The following SHROOM3 variants were observed in gnomAD, a reference collection of about 807,000 sequenced individuals.
SHROOM3 encodes the protein protein Shroom3.
A neutral mutation model predicts 138.6 loss-of-function variants in SHROOM3; 47 were observed. The observed-to-expected ratio is 0.34, with a 90% CI of 0.27 to 0.43. SHROOM3 has a LOEUF of 0.43. SHROOM3 is among the 20% of genes least tolerant of loss of function. SHROOM3 has a pLI of 1.00. For synonymous variants in SHROOM3, 1,062 were observed against 1,063.3 expected (o/e 1.00, Z 0.02); for missense variants, 2,491 against 2,596.5 (o/e 0.96, Z 0.88).
intron 2 of SHROOM3, among the ~76,000 whole-genome samples, chr4:76,635,707 C>A (rs1246872333): frequency 2.0e-5 from 3 of 152,130 alleles, no homozygotes; most frequent in Admixed American, 6.6e-5. Context: ...ATTTTCTGTC[C>A]ACACACTCAT....
intron 2 of SHROOM3, among the ~76,000 whole-genome samples, chr4:76,605,910 A>C (rs982182456): frequency 7.1e-6 from 1 of 140,120 alleles, no homozygotes; most frequent in Non-Finnish European, 1.5e-5. Context: ...TAAAGGCACA[A>C]TTTTCTCTCT....
At chr4:76,574,462 G>A (rs1733897446) in intron 2 of SHROOM3, among the ~76,000 whole-genome samples, 1 of 152,054 alleles carries the variant, frequency 6.6e-6, no homozygotes, top group African/African-American at 2.4e-5. Context: ...GCACCCTAAA[G>A]AACCATGGCA....
intron 1 of SHROOM3, among the ~76,000 whole-genome samples, chr4:76,456,264 C>T (rs542931275): frequency 3.3e-4 from 50 of 152,306 alleles, no homozygotes; most frequent in African/African-American, 1.1e-3. Flanking sequence ...CTCGGCCTCC[C>T]AAAGTGTTAG....
At chr4:76,579,634 G>A (rs1489222921) in intron 2 of SHROOM3, among the ~76,000 whole-genome samples, 2 of 152,224 alleles carry the variant, frequency 1.3e-5, no homozygotes, top group East Asian at 1.9e-4. Context: ...ATGCTTCCAC[G>A]TCTAATGAAG....
At chr4:76,473,973 A>T (rs1300999480) in intron 1 of SHROOM3, among the ~76,000 whole-genome samples, 1 of 152,216 alleles carries the variant, frequency 6.6e-6, no homozygotes, top group Non-Finnish European at 1.5e-5. Flanking sequence ...ATCCAGGAAA[A>T]ATTAAAACAT....
At chr4:76,689,708 T>C in intron 2 of SHROOM3, 1 of 984,780 alleles carries the variant, frequency 1.0e-6, no homozygotes, top group South Asian at 4.7e-5. Flanking sequence ...CGATGGTGAG[T>C]GAGGAGGGCG....
intron 2 of SHROOM3, chr4:76,645,153 A>G (rs1415381174): frequency 6.6e-6 from 1 of 152,148 alleles, no homozygotes; most frequent in Non-Finnish European, 1.5e-5. Flanking sequence ...ATTAATATGA[A>G]GTGGCTTCCA....
chr4:76,544,608 T>G (rs4544731), intron 1 of SHROOM3, among the ~76,000 whole-genome samples: 43,561 of 151,672 alleles, frequency 0.29, 6,616 homozygotes, highest in Middle Eastern at 0.36. Flanking sequence ...TGTTGGCCAG[T>G]CTGGTGTTGA....
At chr4:76,655,432 G>A (rs72661490) in intron 2 of SHROOM3, among the ~76,000 whole-genome samples, 1 of 152,092 alleles carries the variant, frequency 6.6e-6, no homozygotes, top group South Asian at 2.1e-4. Context: ...CAGTCCTATT[G>A]TCATTTCTAT....
chr4:76,618,443 T>C lies in SHROOM3; in HGVS notation c.323+62680T>C, dbSNP rs180919812. 3.9e-5 allele frequency among the ~76,000 whole-genome samples: 6 copies of C among 152,356 alleles called. 1 individual carries two copies. The East Asian group carries it at 1.2e-3, about 29-fold the overall frequency. ...GATGGGCTACCCTGCTTACCAATAA[T>C]ACAGATTGAGGACTTAATTTTTTAA... On this transcript the variant is annotated intron_variant, in intron 2 of 10. Transcript: ENST00000296043.
chr4:76,525,799 C>T (rs1732676895), intron 1 of SHROOM3, among the ~76,000 whole-genome samples: 1 of 152,134 alleles, frequency 6.6e-6, no homozygotes, highest in Non-Finnish European at 1.5e-5. Flanking sequence ...CCATCATTGC[C>T]TCAGCATGGA....
chr4:76,764,739 G>C (rs1205523170), intron 9 of SHROOM3, among the ~76,000 whole-genome samples: 2 of 152,078 alleles, frequency 1.3e-5, no homozygotes, highest in Non-Finnish European at 2.9e-5. Flanking sequence ...GGCTCCTCCT[G>C]TATGCAATGT....
chr4:76,713,086 G>T (rs939078423), intron 3 of SHROOM3, among the ~76,000 whole-genome samples: 1 of 152,254 alleles, frequency 6.6e-6, no homozygotes, highest in Non-Finnish European at 1.5e-5. Flanking sequence ...GAGTCAGCGA[G>T]TGAGTGGTGA....
At chr4:76,467,217 A>T (rs1579173333) in intron 1 of SHROOM3, among the ~76,000 whole-genome samples, 3 of 151,656 alleles carry the variant, frequency 2.0e-5, no homozygotes, top group African/African-American at 4.8e-5. Context: ...TAATTTTTTT[A>T]AAAATTTTTG....
At chr4:76,557,504 T>A (rs1733511362) in intron 2 of SHROOM3, among the ~76,000 whole-genome samples, 2 of 152,086 alleles carry the variant, frequency 1.3e-5, no homozygotes, top group Admixed American at 1.3e-4. Flanking sequence ...GTACAAACTT[T>A]TAGTTATAAG....
chr4:76,620,091 A>AAAAAAAAG (rs749696462), intron 2 of SHROOM3, among the ~76,000 whole-genome samples: 1,800 of 134,798 alleles, frequency 0.013, 26 homozygotes, highest in Non-Finnish European at 0.021. Context: ...AAAAAAAAAA[A>AAAAAAAAG]AAGAAGAAAA....
chr4:76,734,028 T>C (rs746244685), intron 4 of SHROOM3, among the ~76,000 whole-genome samples: 5 of 152,158 alleles, frequency 3.3e-5, no homozygotes, highest in Non-Finnish European at 5.9e-5. Flanking sequence ...AAAAGTTATG[T>C]AGTCTAGCCC....
intron 1 of SHROOM3, among the ~76,000 whole-genome samples, chr4:76,473,231 C>G (rs1731416318): frequency 6.6e-6 from 1 of 152,140 alleles, no homozygotes; most frequent in Non-Finnish European, 1.5e-5. Context: ...AAAAATATAA[C>G]CTATAGAATG....
At chr4:76,578,604 GACA>G (rs1733984390) in intron 2 of SHROOM3, among the ~76,000 whole-genome samples, 1 of 152,196 alleles carries the variant, frequency 6.6e-6, no homozygotes, top group Non-Finnish European at 1.5e-5. Context: ...ATGTGAACGA[GACA>G]ACAATAGGCA....
Sources: allele counts gnomAD v4.1 joint callset (sites outside exome capture counted in the v4.1 genomes callset), GRCh38; gene constraint gnomAD v4.1.1; transcripts MANE v1.5; gene names NCBI Gene and HGNC (gene_info 2026-07-23, HGNC 2026-07-21).